NPIPB2: variants seen among roughly 807,000 people sequenced by gnomAD.
NPIPB2 encodes the protein nuclear pore complex interacting protein family member B2, also known as nuclear pore complex-interacting protein family member B2.
In NPIPB2, 27 loss-of-function variants were observed where a neutral mutation model predicts 30.8. The ratio of observed to expected loss-of-function variants is 0.88; its 90% confidence interval spans 0.65 to 1.21. The LOEUF is 1.21. Among genes scored for constraint, NPIPB2 ranks in the 50% most tolerant of loss-of-function variants. The pLI is 0.00. For missense variants in NPIPB2, 440 were observed against 446.2 expected (o/e 0.99, Z 0.13); for synonymous variants, 147 against 162.0 (o/e 0.91, Z 0.70).
chr16:11,945,716 T>C (rs2055000623), upstream of NPIPB2, among the ~76,000 whole-genome samples: 1 of 151,656 alleles, frequency 6.6e-6, no homozygotes. Flanking sequence ...GCTGGAGTCA[T>C]GCTGAGCATA....
At chr16:11,953,019 T>G (rs995099974) in intron 1 of NPIPB2, among the ~76,000 whole-genome samples, 6 of 152,204 alleles carry the variant, frequency 3.9e-5, no homozygotes, top group African/African-American at 1.4e-4. Flanking sequence ...TCAAGAGCAC[T>G]AGAGTGCTCA....
chr16:11,938,851 C>T (rs1286207021), intron 1 of NPIPB2, among the ~76,000 whole-genome samples: 7 of 151,870 alleles, frequency 4.6e-5, no homozygotes, highest in Admixed American at 1.3e-4. Context: ...CGGGTTCAAG[C>T]GATTCTCCTG....
At chr16:11,975,445 C>T (rs2055278677) in intron 1 of NPIPB2, among the ~76,000 whole-genome samples, 1 of 151,946 alleles carries the variant, frequency 6.6e-6, no homozygotes, top group African/African-American at 2.4e-5. Flanking sequence ...CCGCGCCCGG[C>T]CAATCCATCA....
intron 2 of NPIPB2, 103 bp from the exon 3 acceptor site, chr16:11,934,027 T>G (rs2054830611): frequency 7.6e-6 from 6 of 790,248 alleles, no homozygotes; most frequent in South Asian, 7.4e-5. Context: ...GGTCAGGAGT[T>G]CAAGACCAGC....
At chr16:11,945,193 T>G (rs1397765883), upstream of NPIPB2, among the ~76,000 whole-genome samples, 5 of 150,902 alleles carry the variant, frequency 3.3e-5, no homozygotes, top group African/African-American at 1.2e-4. Flanking sequence ...TCTGAAAAAA[T>G]AAACAAACTA....
intron 2 of NPIPB2, among the ~76,000 whole-genome samples, chr16:11,937,328 T>C (rs919615857): frequency 1.3e-5 from 2 of 152,236 alleles, no homozygotes; most frequent in Non-Finnish European, 2.9e-5. Flanking sequence ...CCAAAAGCTC[T>C]GTTGACATTC....
At chr16:11,972,540 A>G (rs781307318) in intron 1 of NPIPB2, among the ~76,000 whole-genome samples, 2 of 152,000 alleles carry the variant, frequency 1.3e-5, no homozygotes, top group Non-Finnish European at 2.9e-5. Flanking sequence ...ACACCACTGC[A>G]CTCCAGCATG....
chr16:11,962,610 TCAAAAAAAAAAAAAAAAAAC>T (rs1224046969), intron 1 of NPIPB2, among the ~76,000 whole-genome samples: 1 of 74,800 alleles, frequency 1.3e-5, no homozygotes, highest in East Asian at 4.2e-4. Context: ...AGATTCTGTC[TCAAAAAAAAAAAAAAAAAAC>T]CAAAAAAAAA....
rs1214348316 is a variant in NPIPB2, at chr16:11,951,625, T to TACACACACACACACACACACACACAC, written c.-583-9537_-583-9512dup. On this transcript the variant is annotated intron_variant, in intron 1 of 5. Coordinates refer to the NPIPB2 transcript ENST00000538896. ...TACAGATGGACACTGCACATACACATACACACACACACACACACACACACA... is the reference window on the plus strand; with the variant it reads ...TACAGATGGACACTGCACATACACATACACACACACACACACACACACACACACACACACACACACACACACACACA... Among the ~76,000 whole-genome samples the TACACACACACACACACACACACACAC allele has an allele frequency of 1.4e-3, 130 of 95,868 alleles. 2 individuals carry two copies. The highest frequency in any genetic ancestry group is 5.7e-3 in the African/African-American group (122 of 21,560). 62.9% of individuals were successfully genotyped at this position (95,868 alleles called of 152,430 possible). A position where few individuals can be genotyped will look rare whatever the true frequency, so the allele number is the denominator to read the frequency against.
chr16:11,927,573 C>T, exon 8 of NPIPB2: 1 of 1,607,824 alleles, frequency 6.2e-7, no homozygotes, highest in Non-Finnish European at 8.5e-7. Flanking sequence ...GGTTTTTCTG[C>T]CTCAGCCTCC....
intron 1 of NPIPB2, among the ~76,000 whole-genome samples, chr16:11,948,431 T>A (rs768163033): frequency 2.0e-5 from 3 of 152,014 alleles, no homozygotes; most frequent in Non-Finnish European, 4.4e-5. Flanking sequence ...AGTCTGTAGA[T>A]CCAAGTACCA....
In NPIPB2 at chr16:11,941,972, G is replaced by T. The variant is rs2150919498; in HGVS notation, c.63+11C>A. 9.4e-7 allele frequency: 1 copy of T among 1,060,916 alleles called. No individual in the cohort carries two copies. The highest frequency in any genetic ancestry group is 2.9e-4 in the Middle Eastern group (1 of 3,428). 65.7% of individuals were successfully genotyped at this position (1,060,916 alleles called of 1,614,324 possible). The stretch of plus-strand genomic sequence containing the variant: ...ACAAATGATGGCAGGATGGCAGGAA[G>T]AACCTCATACCCAAGCAGAGTGCCA... On this transcript the variant is annotated intron_variant, in intron 1 of 7. Transcript: ENST00000399147.
intron 1 of NPIPB2, chr16:11,967,854 A>T: frequency 6.2e-7 from 1 of 1,611,480 alleles, no homozygotes; most frequent in Non-Finnish European, 8.5e-7. Flanking sequence ...GTAATTAACC[A>T]TTTCGACTCG....
intron 7 of NPIPB2, chr16:11,928,650 GT>G: frequency 1.1e-5 from 5 of 472,878 alleles, no homozygotes; most frequent in South Asian, 7.4e-5. Context: ...CTGGGAGAGG[GT>G]TTTCTGACAG....
intron 1 of NPIPB2, among the ~76,000 whole-genome samples, chr16:11,973,074 C>A (rs762366871): frequency 6.8e-6 from 1 of 147,068 alleles, no homozygotes. Flanking sequence ...GCAGGAGACT[C>A]GCTTGAACCT....
At chr16:11,948,967 G>A (rs977486272) in intron 1 of NPIPB2, among the ~76,000 whole-genome samples, 8 of 151,786 alleles carry the variant, frequency 5.3e-5, no homozygotes, top group Admixed American at 1.3e-4. Flanking sequence ...GCAAGACACT[G>A]TCTCTACAAA....
chr16:11,972,560 G>T (rs1398388931), intron 1 of NPIPB2, among the ~76,000 whole-genome samples: 1 of 151,684 alleles, frequency 6.6e-6, no homozygotes, highest in Admixed American at 6.6e-5. Flanking sequence ...GAGTAACACA[G>T]TGAGACCGCA....
At chr16:11,972,335 G>T (rs1323581962) in intron 1 of NPIPB2, among the ~76,000 whole-genome samples, 5 of 152,210 alleles carry the variant, frequency 3.3e-5, no homozygotes, top group South Asian at 2.1e-4. Context: ...CAGCACTATG[G>T]GAGGCCGAGG....
chr16:11,947,322 TTA>T (rs1555509075), intron 1 of NPIPB2, among the ~76,000 whole-genome samples: 4 of 119,998 alleles, frequency 3.3e-5, no homozygotes, highest in South Asian at 2.3e-4. Flanking sequence ...ATTTATTTAT[TTA>T]TATATATATA....
Sources: allele counts gnomAD v4.1 joint callset (sites outside exome capture counted in the v4.1 genomes callset), GRCh38; gene constraint gnomAD v4.1.1; transcripts MANE v1.5; gene names NCBI Gene and HGNC (gene_info 2026-07-23, HGNC 2026-07-21).